CUBN: variants seen among roughly 807,000 people sequenced by gnomAD.
The protein encoded by CUBN is cubilin, also known as 460 kDa receptor.
Under a neutral mutation model 405.3 loss-of-function variants are expected in CUBN, and 282 were observed. The observed-to-expected ratio is 0.70, with a 90% CI of 0.63 to 0.77. The LOEUF (loss-of-function observed/expected upper bound fraction) is 0.77, where lower values mean the gene tolerates loss of function less well. CUBN is among the 30% of genes least tolerant of loss of function. The pLI is 0.00. For missense variants in CUBN, 4,514 were observed against 4,475.2 expected, an observed-to-expected ratio of 1.01 and a Z score of -0.25; for synonymous variants, 1,684 against 1,617.0, an observed-to-expected ratio of 1.04 and a Z score of -0.99.
chr10:16,906,965 A>G (rs1007540938), intron 49 of CUBN, among the ~76,000 whole-genome samples: 1 of 152,216 alleles, frequency 6.6e-6, no homozygotes, highest in Non-Finnish European at 1.5e-5. Flanking sequence ...TAAAATTTAA[A>G]ACCCTTTAAA....
intron 45 of CUBN, among the ~76,000 whole-genome samples, chr10:16,916,434 G>A (rs542341719): frequency 5.3e-5 from 8 of 152,246 alleles, no homozygotes; most frequent in African/African-American, 1.9e-4. Flanking sequence ...CCCAAGCTCA[G>A]CTGGAAGGGG....
intron 17 of CUBN, among the ~76,000 whole-genome samples, chr10:17,081,499 T>A (rs1835967381): frequency 2.6e-5 from 4 of 152,190 alleles, no homozygotes; most frequent in Admixed American, 2.6e-4. Context: ...TTCTTTTTCA[T>A]AAATATTTCA....
chr10:16,938,288 T>A (rs749665226), intron 38 of CUBN, among the ~76,000 whole-genome samples: 12 of 152,202 alleles, frequency 7.9e-5, no homozygotes, highest in African/African-American at 2.7e-4. Flanking sequence ...GGGCTCACCA[T>A]GTTCAAAGCA....
chr10:17,115,337 T>C (rs1836868066), intron 7 of CUBN, 134 bp downstream of exon 7: 3 of 1,031,652 alleles, frequency 2.9e-6, no homozygotes, highest in African/African-American at 1.6e-5. Context: ...TCCTCGCCTA[T>C]GTCCTACTTA....
At chr10:16,910,959 C>G (rs1405906038) in intron 48 of CUBN, among the ~76,000 whole-genome samples, 3 of 152,094 alleles carry the variant, frequency 2.0e-5, no homozygotes, top group African/African-American at 7.2e-5. Context: ...CATAGCATCA[C>G]AAAGTCAGCT....
In CUBN at chr10:16,948,326, C is replaced by G. The variant is rs907546535; in HGVS notation, c.5209+152G>C. Reference sequence around the variant, plus strand: ...TTCATTATTGCTAGAATTGACAACACGATCACTTAATTGGGAAGAAGGTAA... The same window carrying G: ...TTCATTATTGCTAGAATTGACAACAGGATCACTTAATTGGGAAGAAGGTAA... On this transcript the variant is annotated intron_variant, in intron 35 of 66. Transcript: ENST00000377833. The G allele has an allele frequency of 1.5e-5, 14 of 944,906 alleles. No homozygotes were observed. In the African/African-American group the frequency reaches 2.3e-4, roughly 15 times the overall value. 58.5% of individuals were successfully genotyped at this position (944,906 alleles called of 1,614,324 possible).
chr10:16,852,765 G>A (rs1186912389), intron 59 of CUBN, among the ~76,000 whole-genome samples: 3 of 152,090 alleles, frequency 2.0e-5, no homozygotes, highest in Non-Finnish European at 2.9e-5. Flanking sequence ...TTTATGTTCC[G>A]CTTTCATGAA....
At chr10:16,908,826 C>T (rs1215408178) in intron 48 of CUBN, among the ~76,000 whole-genome samples, 1 of 150,382 alleles carries the variant, frequency 6.6e-6, no homozygotes, top group Non-Finnish European at 1.5e-5. Context: ...ATGGCACTAA[C>T]AGTTATGCAG....
intron 28 of CUBN, among the ~76,000 whole-genome samples, chr10:16,991,862 AC>A (rs1833599044): frequency 1.3e-5 from 2 of 151,956 alleles, no homozygotes; most frequent in African/African-American, 4.8e-5. Flanking sequence ...AACTACAAAT[AC>A]CATTTGACCC....
chr10:16,952,310 C>A lies in CUBN; in HGVS notation c.4935G>T (p.Gln1645His), dbSNP rs1340719524. The change falls in exon 33 of 67, where the codon CAG becomes CAT. Residue 1645 changes from glutamine (Q) to histidine (H), a missense_variant. Gln to His is a conservative substitution (Grantham distance 24). This residue lies in a region of CUBN where 1,613 missense variants were observed against 1,542.8 expected (regional missense o/e 1.05). Coordinates refer to ENST00000377833, the MANE Select transcript of CUBN (RefSeq NM_001081.4). ...GCGCTTGAATGATCCAGCTGCAGTT[C>A]TGATTGTTTGGATAATTGGCAGGGA... is the stretch of plus-strand genomic sequence containing the variant. Reference protein sequence around the residue: ...PRFPANYPNNQNCSWIIQAQP... With the variant: ...PRFPANYPNNHNCSWIIQAQP... 1 of 1,613,808 alleles carries A rather than the reference C, an allele frequency of 6.2e-7. No individual in the cohort carries two copies. The highest frequency in any genetic ancestry group is 1.1e-5 in the South Asian group (1 of 91,060).
Position 16,843,181 on chromosome 10 carries a change from C to G in CUBN, c.9664-2134G>C, listed in dbSNP as rs148912432. ...GCCAGCACCCAGAACAATTCCCAAC[C>G]ATGGCTCCCTTCTAGAAACATCCAT... On this transcript the variant is annotated intron_variant, in intron 60 of 66. Transcript: ENST00000377833. Among the ~76,000 whole-genome samples the G allele has an allele frequency of 6.8e-3, 1,040 of 152,348 alleles. 9 individuals carry two copies. The highest frequency in any genetic ancestry group is 0.024 in the African/African-American group (982 of 41,582).
intron 54 of CUBN, among the ~76,000 whole-genome samples, chr10:16,891,713 G>GA (rs1841013892): frequency 8.8e-6 from 1 of 113,708 alleles, no homozygotes; most frequent in Non-Finnish European, 2.3e-5. Context: ...AAAACTTGGG[G>GA]GAAAAAAACC....
chr10:17,119,305 G>A (rs1836977838), intron 6 of CUBN, among the ~76,000 whole-genome samples: 1 of 152,176 alleles, frequency 6.6e-6, no homozygotes, highest in Non-Finnish European at 1.5e-5. Context: ...AGCCCTAAAT[G>A]TACAACACAC....
At chr10:17,036,932 T>C (rs755666454) in intron 27 of CUBN, among the ~76,000 whole-genome samples, 1 of 152,138 alleles carries the variant, frequency 6.6e-6, no homozygotes, top group Non-Finnish European at 1.5e-5. Context: ...GCTGAGAGCA[T>C]CGGTGTGGAG....
intron 17 of CUBN, among the ~76,000 whole-genome samples, chr10:17,082,204 T>A (rs562004188): frequency 6.6e-6 from 1 of 152,204 alleles, no homozygotes; most frequent in South Asian, 2.1e-4. Context: ...ACCCCCAAAG[T>A]TTAGAGAAAT....
At chr10:16,922,075 T>C (rs1372082685) in intron 43 of CUBN, among the ~76,000 whole-genome samples, 1 of 152,176 alleles carries the variant, frequency 6.6e-6, no homozygotes, top group Non-Finnish European at 1.5e-5. Context: ...TGGCATATTA[T>C]ATATTTTACT....
intron 4 of CUBN, among the ~76,000 whole-genome samples, chr10:17,126,335 A>G (rs10795450): frequency 0.91 from 138,633 of 152,246 alleles, 63,855 homozygotes; most frequent in Non-Finnish European, 1. Context: ...AGCAAATGTC[A>G]TTTTAAGAAA....
intron 27 of CUBN, among the ~76,000 whole-genome samples, chr10:17,039,051 A>C (rs1588603200): frequency 6.6e-6 from 1 of 151,110 alleles, no homozygotes; most frequent in Admixed American, 6.6e-5. Context: ...AATGGAGTTC[A>C]GGTCCTGGAA....
At chr10:16,832,787 A>G (rs762581422) in intron 64 of CUBN, among the ~76,000 whole-genome samples, 12 of 152,186 alleles carry the variant, frequency 7.9e-5, no homozygotes, top group Non-Finnish European at 1.6e-4. Context: ...AGCATGGTCT[A>G]GAGCTCGGCC....
Sources: allele counts gnomAD v4.1 joint callset (sites outside exome capture counted in the v4.1 genomes callset), GRCh38; gene constraint gnomAD v4.1.1; regional missense constraint gnomAD v4.1.1; transcripts MANE v1.5; gene names NCBI Gene and HGNC (gene_info 2026-07-23, HGNC 2026-07-21).